The following CCDC47 variants were observed in gnomAD, a reference collection of about 807,000 sequenced individuals.
The protein encoded by CCDC47 is coiled-coil domain containing 47, also known as PAT complex subunit CCDC47.
A neutral mutation model predicts 60.5 loss-of-function variants in CCDC47; 41 were observed. The ratio of observed to expected loss-of-function variants is 0.68; its 90% CI spans 0.53 to 0.88. CCDC47 has a LOEUF of 0.88. Ranked by LOEUF, CCDC47 falls within the 40% of genes least tolerant of loss-of-function variation. The probability of loss-of-function intolerance (pLI) is 0.00; values close to 1 mark genes in which losing one functional copy is unlikely to be tolerated. For synonymous variants in CCDC47, 195 were observed against 190.7 expected (o/e 1.02, Z -0.18); for missense variants, 513 against 580.9 (o/e 0.88, Z 1.20).
chr17:63,751,892 G>T, intron 12 of CCDC47, 48 bp downstream of exon 12: 1 of 1,598,326 alleles, frequency 6.3e-7, no homozygotes. Context: ...AACACAAGCA[G>T]TCATCCTTAC....
chr17:63,765,929 C>T lies in CCDC47; in HGVS notation c.247G>A (p.Glu83Lys). The stretch of plus-strand genomic sequence containing the variant: ...AGCCTCACCTGGGTATCTGCATCTT[C>T]AAAATCTCCTTCTTGGTTTTCATCC... ...GQDENQEGDF[E>K]DADTQEGDTE... Residue 83 changes from glutamate to lysine, a missense_variant, in exon 2 of 13, where the codon GAA (glutamate) becomes AAA (lysine). Physicochemically the swap from Glu to Lys is moderately conservative, Grantham distance 56. Transcript: ENST00000225726. 1 of 1,612,318 alleles carries T rather than the reference C, an allele frequency of 6.2e-7. No homozygotes were observed. The highest frequency in any genetic ancestry group is 8.5e-7 in the Non-Finnish European group (1 of 1,178,960).
intron 6 of CCDC47, among the ~76,000 whole-genome samples, chr17:63,759,516 T>C (rs1296126754): frequency 8.9e-5 from 1 of 11,196 alleles, no homozygotes; most frequent in Non-Finnish European, 1.3e-4. Flanking sequence ...AAAATATATA[T>C]ATATATATAT....
intron 12 of CCDC47, chr17:63,747,881 G>T (rs2039132356): frequency 2.9e-6 from 2 of 682,236 alleles, no homozygotes; most frequent in African/African-American, 2.0e-5. Context: ...TTGAGATAGG[G>T]TCTTGCTGTG....
chr17:63,757,842 G>A (rs776600946), intron 6 of CCDC47, among the ~76,000 whole-genome samples: 14 of 152,158 alleles, frequency 9.2e-5, no homozygotes, highest in Non-Finnish European at 1.9e-4. Flanking sequence ...TCACACCTGA[G>A]TTTATTCTAA....
At chr17:63,765,203 G>C (rs186554054) in intron 2 of CCDC47, 3 of 152,880 alleles carry the variant, frequency 2.0e-5, no homozygotes. Flanking sequence ...ACTTCATATT[G>C]TATGTAGAGG....
intron 1 of CCDC47, among the ~76,000 whole-genome samples, chr17:63,770,207 C>T (rs899344512): frequency 6.6e-6 from 1 of 152,022 alleles, no homozygotes. Flanking sequence ...AGGTGATCCA[C>T]CTGCCTCGGC....
rs533036117 is a variant in CCDC47, at chr17:63,753,578, C to G, written c.1035-779G>C. 7.6e-5 allele frequency: 70 copies of G among 922,332 alleles called. No homozygotes were observed. The African/African-American group carries it at 1.2e-3, about 16-fold the overall frequency. 57.1% of individuals were successfully genotyped at this position (922,332 alleles called of 1,614,324 possible). A position where few individuals can be genotyped will look rare whatever the true frequency, so the allele number is the denominator to read the frequency against. On this transcript the variant is annotated intron_variant, in intron 9 of 12. Coordinates refer to ENST00000225726, the MANE Select transcript of CCDC47 (RefSeq NM_020198.3). ...GAGCATAAAGGTAAATAAATATGCTCTCCTGAGACAGGCTGTGAATTCAAA... is the reference window on the plus strand; with the variant it reads ...GAGCATAAAGGTAAATAAATATGCTGTCCTGAGACAGGCTGTGAATTCAAA...
rs751972371 is a variant in CCDC47, at chr17:63,751,950, C to T, written c.1361G>A (p.Arg454His). The change falls in exon 12 of 13, where the codon CGC becomes CAC. Residue 454 changes from arginine (R) to histidine (H), a missense_variant. By Grantham distance (29) the Arg-to-His change is conservative (BLOSUM62 0). Coordinates refer to ENST00000225726, the MANE Select transcript of CCDC47 (RefSeq NM_020198.3). The stretch of plus-strand genomic sequence containing the variant: ...ATAAGTTTGTCTAACCTCCAGCCTG[C>T]GCTGTTTCTCAGGATCTTCCTCATT... ...IMNEEDPEKQ[R>H]RLEEAALRRE... 1.5e-5 allele frequency: 24 copies of T among 1,613,714 alleles called. No homozygotes were observed. In the East Asian group the frequency reaches 2.5e-4, roughly 16 times the overall value.
intron 12 of CCDC47, chr17:63,747,200 G>C: frequency 6.1e-6 from 6 of 984,392 alleles, no homozygotes; most frequent in Non-Finnish European, 7.2e-6. Flanking sequence ...TAAAATCTCA[G>C]TTTTGAAAGA....
At chr17:63,748,381 A>C (rs2039136191) in intron 12 of CCDC47, among the ~76,000 whole-genome samples, 1 of 151,846 alleles carries the variant, frequency 6.6e-6, no homozygotes, top group Non-Finnish European at 1.5e-5. Context: ...CCAAAGTGTT[A>C]GGATTATAGG....
intron 12 of CCDC47, among the ~76,000 whole-genome samples, chr17:63,749,855 C>T (rs193088734): frequency 7.9e-5 from 12 of 151,730 alleles, no homozygotes; most frequent in Admixed American, 7.2e-4. Context: ...ATTGGGAGGC[C>T]GAAGCGGGAG....
At chr17:63,771,600 C>A (rs1415879562) in intron 1 of CCDC47, among the ~76,000 whole-genome samples, 2 of 152,142 alleles carry the variant, frequency 1.3e-5, no homozygotes, top group African/African-American at 4.8e-5. Flanking sequence ...TGTTTTTAAA[C>A]TCTGGAATGT....
In CCDC47 at chr17:63,745,846, G is replaced by T. The variant is rs564225291; in HGVS notation, c.*1035C>A. On this transcript the variant is annotated 3_prime_UTR_variant, in exon 13 of 13. Coordinates refer to ENST00000225726, the MANE Select transcript of CCDC47 (RefSeq NM_020198.3). The stretch of plus-strand genomic sequence containing the variant: ...ACATGGGCCTCTCCTCCAAGAGTTG[G>T]TTCCGCAAGAGGTGGAAAGAACTCT... 22 of 152,320 alleles carry T rather than the reference G, an allele frequency of 1.4e-4. No homozygotes were observed. In the East Asian group the frequency reaches 4.0e-3, roughly 28 times the overall value. The allele number at this position is 152,320 out of a possible 1,614,324, so 9.4% of individuals were successfully genotyped here.
intron 4 of CCDC47, among the ~76,000 whole-genome samples, chr17:63,762,794 T>C (rs182353083): frequency 2.0e-4 from 30 of 152,366 alleles, no homozygotes; most frequent in Middle Eastern, 3.4e-3. Flanking sequence ...ACCTAAAATG[T>C]CAAACTTTCT....
Position 63,752,311 on chromosome 17 carries a change from G to T in CCDC47, c.1203+9C>A. 1 of 1,580,724 alleles carries T rather than the reference G, an allele frequency of 6.3e-7. No homozygotes were observed. Among genetic ancestry groups the T allele is most frequent in the Non-Finnish European group, 8.7e-7 (1 of 1,150,820 alleles). On this transcript the variant is annotated intron_variant, in intron 11 of 12. Coordinates refer to ENST00000225726, the MANE Select transcript of CCDC47 (RefSeq NM_020198.3). ...TGCCAATTTATATAATACAGGCATT[G>T]GGTCTTACTTCTCTGTTGAGTCGGA...
intron 6 of CCDC47, among the ~76,000 whole-genome samples, chr17:63,757,376 TAAA>T (rs200173061): frequency 1.5e-5 from 2 of 131,584 alleles, no homozygotes; most frequent in African/African-American, 2.9e-5. Flanking sequence ...CAAAAAAAAT[TAAA>T]AAAAAAAAAA....
chr17:63,752,858 C>G (rs1393932364), intron 9 of CCDC47, 59 bp from the exon 10 acceptor site: 1 of 1,583,308 alleles, frequency 6.3e-7, no homozygotes, highest in Non-Finnish European at 8.6e-7. Context: ...TCCATGTACA[C>G]AAGTCACCCA....
chr17:63,753,752 A>T, intron 9 of CCDC47: 5 of 296,048 alleles, frequency 1.7e-5, no homozygotes, highest in Non-Finnish European at 2.5e-5. Flanking sequence ...AAATTACAAA[A>T]CACACAGATT....
chr17:63,772,694 T>G (rs2039357163), intron 1 of CCDC47: 1 of 152,308 alleles, frequency 6.6e-6, no homozygotes, highest in Non-Finnish European at 1.5e-5. Context: ...ATTCACACCA[T>G]AGAAACACTT....
Sources: gnomAD v4.1 joint callset for allele counts (sites outside exome capture counted in the v4.1 genomes callset) on GRCh38, gnomAD v4.1.1 for gene constraint, MANE v1.5 for transcripts, NCBI Gene and HGNC (gene_info 2026-07-23, HGNC 2026-07-21) for gene names.